RNF144A: variants seen among roughly 807,000 people sequenced by gnomAD.
The protein encoded by RNF144A is E3 ubiquitin-protein ligase RNF144A.
In RNF144A, 11 loss-of-function variants were observed where a neutral mutation model predicts 38.7. The ratio of observed to expected loss-of-function variants is 0.28; its 90% CI spans 0.18 to 0.47. The LOEUF (loss-of-function observed/expected upper bound fraction) is 0.47. Among genes scored for constraint, RNF144A ranks in the 20% least tolerant of loss-of-function variants. RNF144A has a pLI of 0.99. For synonymous variants in RNF144A, 149 were observed against 143.9 expected (o/e 1.04, Z -0.25); for missense variants, 316 against 377.2 (o/e 0.84, Z 1.34).
intron 7 of RNF144A, among the ~76,000 whole-genome samples, chr2:7,024,882 C>T (rs1174638453): frequency 6.6e-6 from 1 of 151,946 alleles, no homozygotes; most frequent in Non-Finnish European, 1.5e-5. Flanking sequence ...ACATTTATTC[C>T]TCATGGTTCT....
intron 1 of RNF144A, among the ~76,000 whole-genome samples, chr2:6,925,630 G>A (rs2103272103): frequency 1.3e-5 from 2 of 152,296 alleles, no homozygotes; most frequent in Non-Finnish European, 2.9e-5. Flanking sequence ...CAGAATACAG[G>A]TAGATGATTC....
At chr2:7,009,084 G>C (rs920998535) in intron 3 of RNF144A, among the ~76,000 whole-genome samples, 3 of 152,258 alleles carry the variant, frequency 2.0e-5, no homozygotes, top group African/African-American at 7.2e-5. Flanking sequence ...CACTGCAGGA[G>C]ATGAGGTGTG....
chr2:7,051,761 T>C (rs112802267), intron 6 of RNF144A, among the ~76,000 whole-genome samples: 7 of 152,194 alleles, frequency 4.6e-5, no homozygotes, highest in African/African-American at 1.4e-4. Context: ...TGGCGGTGGG[T>C]GCCTGTAATC....
intron 3 of RNF144A, among the ~76,000 whole-genome samples, chr2:7,012,548 A>G (rs1304652134): frequency 7.9e-5 from 12 of 152,226 alleles, no homozygotes; most frequent in Non-Finnish European, 1.6e-4. Flanking sequence ...AATCATAAAC[A>G]GAAAGTTCCA....
At chr2:6,939,019 A>G (rs1665790540) in intron 1 of RNF144A, among the ~76,000 whole-genome samples, 1 of 151,946 alleles carries the variant, frequency 6.6e-6, no homozygotes, top group Admixed American at 6.6e-5. Flanking sequence ...CTTTTTGGCT[A>G]TTATGAATAA....
At chr2:6,931,122 C>T (rs1010579000) in intron 1 of RNF144A, among the ~76,000 whole-genome samples, 11 of 152,116 alleles carry the variant, frequency 7.2e-5, no homozygotes, top group South Asian at 2.1e-4. Context: ...ACAGTGTGCC[C>T]GGCAGAGTCC....
intron 6 of RNF144A, among the ~76,000 whole-genome samples, chr2:7,059,228 T>C (rs1673861008): frequency 6.6e-6 from 1 of 152,088 alleles, no homozygotes; most frequent in African/African-American, 2.4e-5. Context: ...GTGCCTGTAG[T>C]CCCAGCTACT....
At chr2:6,923,138 G>A (rs979839989) in intron 1 of RNF144A, among the ~76,000 whole-genome samples, 5 of 152,206 alleles carry the variant, frequency 3.3e-5, no homozygotes, top group African/African-American at 1.2e-4. Flanking sequence ...CATATCCTCT[G>A]AATGAAAGGG....
At chr2:7,013,866 A>G (rs1451028051) in intron 3 of RNF144A, among the ~76,000 whole-genome samples, 1 of 152,180 alleles carries the variant, frequency 6.6e-6, no homozygotes, top group East Asian at 1.9e-4. Context: ...TAAGTGAGGC[A>G]CCCTGAGTGA....
chr2:6,970,425 T>C (rs951620575), intron 2 of RNF144A, among the ~76,000 whole-genome samples: 3 of 152,188 alleles, frequency 2.0e-5, no homozygotes, highest in African/African-American at 7.2e-5. Context: ...TCCCCAGCCA[T>C]GTGGAACTGT....
At chr2:7,076,345 T>C in the RNF144A span, among the ~76,000 whole-genome samples, 3 of 152,268 alleles carry the variant, frequency 2.0e-5, no homozygotes, top group Non-Finnish European at 4.4e-5. Flanking sequence ...TTTTGGATTA[T>C]AAATGATTCT....
rs1051155955 is a variant in RNF144A, at chr2:7,043,125, C to T, written c.*3365C>T. On this transcript the variant is annotated 3_prime_UTR_variant, in exon 9 of 9. Coordinates refer to ENST00000320892, the MANE Select transcript of RNF144A (RefSeq NM_014746.6). ...TCAGGTGATCTGCCCACCTCGGCTT[C>T]CCAAAGTGCTGGAATTACAGGCCTG... 2.1e-6 allele frequency: 2 copies of T among 944,168 alleles called. No homozygotes were observed. The highest frequency in any genetic ancestry group is 6.2e-5 in the Admixed American group (1 of 16,240). 58.5% of individuals were successfully genotyped at this position (944,168 alleles called of 1,614,324 possible). A position where few individuals can be genotyped will look rare whatever the true frequency, so the allele number is the denominator to read the frequency against.
At chr2:6,964,997 A>G (rs569893361) in intron 2 of RNF144A, among the ~76,000 whole-genome samples, 7 of 152,182 alleles carry the variant, frequency 4.6e-5, no homozygotes, top group Non-Finnish European at 7.3e-5. Context: ...AAGAGGGAGC[A>G]TGGGTTTGCA....
intron 8 of RNF144A, among the ~76,000 whole-genome samples, chr2:7,032,046 A>G (rs1157141245): frequency 6.6e-6 from 1 of 152,264 alleles, no homozygotes; most frequent in Non-Finnish European, 1.5e-5. Flanking sequence ...ATGTCCCAAT[A>G]AAGCTGTATG....
chr2:6,995,915 G>A (rs939813432), intron 2 of RNF144A, among the ~76,000 whole-genome samples: 4 of 152,142 alleles, frequency 2.6e-5, no homozygotes, highest in Admixed American at 1.3e-4. Context: ...TGCTGTGTGC[G>A]GCCGACCCTT....
intron 1 of RNF144A, among the ~76,000 whole-genome samples, chr2:6,934,729 A>G (rs538480800): frequency 5.0e-4 from 76 of 152,322 alleles, no homozygotes; most frequent in African/African-American, 1.8e-3. Context: ...CTGAGACACT[A>G]CTTAGAAGTA....
chr2:7,038,542 G>C (rs1672827975), intron 8 of RNF144A, among the ~76,000 whole-genome samples: 1 of 152,172 alleles, frequency 6.6e-6, no homozygotes, highest in African/African-American at 2.4e-5. Context: ...AAACTTGTTA[G>C]TTAATAGGAT....
chr2:6,987,054 C>T (rs1297794569), intron 2 of RNF144A, among the ~76,000 whole-genome samples: 1 of 152,056 alleles, frequency 6.6e-6, no homozygotes, highest in Non-Finnish European at 1.5e-5. Flanking sequence ...GGTCAGAACG[C>T]GTGGCTGTGT....
At chr2:6,936,844 A>AGTGTGTGTGTGTGTGT (rs55971680) in intron 1 of RNF144A, among the ~76,000 whole-genome samples, 134 of 144,200 alleles carry the variant, frequency 9.3e-4, no homozygotes, top group Non-Finnish European at 1.5e-3. Flanking sequence ...CACACACAGT[A>AGTGTGTGTGTGTGTGT]GTGTGTGTGT....
Sources: allele counts gnomAD v4.1 joint callset (sites outside exome capture counted in the v4.1 genomes callset), GRCh38; gene constraint gnomAD v4.1.1; transcripts MANE v1.5; gene names NCBI Gene and HGNC (gene_info 2026-07-23, HGNC 2026-07-21).